The following PHF8 variants were observed in gnomAD, a reference collection of about 807,000 sequenced individuals.
PHF8 encodes PHD finger protein 8.
Under a neutral mutation model 74.4 loss-of-function variants are expected in PHF8, and 9 were observed. The observed-to-expected ratio is 0.12, with a 90% confidence interval of 0.07 to 0.21. The LOEUF (loss-of-function observed/expected upper bound fraction) is 0.21. Among genes scored for constraint, PHF8 ranks in the 10% least tolerant of loss-of-function variants. PHF8 has a pLI of 1.00. For missense variants in PHF8, 478 were observed against 816.6 expected, an observed-to-expected ratio of 0.59 and a Z score of 5.05; for synonymous variants, 311 against 316.6, an observed-to-expected ratio of 0.98 and a Z score of 0.19.
At chrX:54,011,793 T>C (rs1289878264) in intron 7 of PHF8, among the ~76,000 whole-genome samples, 1 of 109,005 alleles carries the variant, frequency 9.2e-6, no homozygotes, top group Non-Finnish European at 1.9e-5. Flanking sequence ...TGTTATGTGA[T>C]TATCTTTTGG....
intron 12 of PHF8, among the ~76,000 whole-genome samples, chrX:53,994,392 G>A (rs1194163740): frequency 8.9e-6 from 1 of 112,572 alleles, no homozygotes; most frequent in Non-Finnish European, 1.9e-5. Context: ...TGAGCTTCTT[G>A]GGAGGAGCCC....
chrX:53,942,861 G>A (rs1317398200), intron 20 of PHF8: 6 of 748,757 alleles, frequency 8.0e-6, no homozygotes, highest in Non-Finnish European at 9.4e-6. Context: ...GTATTGCAGT[G>A]CACTATGGCT....
intron 8 of PHF8, among the ~76,000 whole-genome samples, chrX:54,005,148 G>C (rs782467086): frequency 9.0e-6 from 1 of 110,835 alleles, no homozygotes; most frequent in Non-Finnish European, 1.9e-5. Flanking sequence ...GCAGAAGTTA[G>C]AGCATGAGTC....
chrX:54,022,453 T>G, intron 3 of PHF8, 86 bp from the exon 4 acceptor site: 1 of 634,605 alleles, frequency 1.6e-6, no homozygotes, highest in Non-Finnish European at 2.7e-6. Flanking sequence ...GATCCTTCTC[T>G]TCCAATCTAA....
chrX:54,041,701 A>G (rs1463206517), intron 2 of PHF8, among the ~76,000 whole-genome samples: 1 of 112,850 alleles, frequency 8.9e-6, no homozygotes, highest in African/African-American at 3.2e-5. Flanking sequence ...CCCAGCATCT[A>G]TTCTGCTTAA....
intron 11 of PHF8, among the ~76,000 whole-genome samples, chrX:53,999,207 A>C (rs1557103671): frequency 9.0e-6 from 1 of 111,627 alleles, no homozygotes; most frequent in East Asian, 2.8e-4. Flanking sequence ...GGACAGCAAG[A>C]CCAACCCCTC....
chrX:53,991,681 A>C lies in PHF8; in HGVS notation c.1730+1055T>G, dbSNP rs1040835067. On this transcript the variant is annotated intron_variant, in intron 14 of 21. Transcript: ENST00000338154. ...TGTCTCAAAAAAAAAAAAAAAAAAAAAAAACAAAACTTGGTATGAGAAGTA... is the reference window on the plus strand; with the variant it reads ...TGTCTCAAAAAAAAAAAAAAAAAAACAAAACAAAACTTGGTATGAGAAGTA... 1.9e-4 allele frequency among the ~76,000 whole-genome samples: 20 copies of C among 106,104 alleles called. No individual in the cohort carries two copies. In the South Asian group the frequency reaches 2.1e-3, roughly 11 times the overall value. 92.1% of individuals were successfully genotyped at this position (106,104 alleles called of 115,157 possible).
At chrX:53,993,040 C>T (rs782000316) in intron 13 of PHF8, 1 of 431,584 alleles carries the variant, frequency 2.3e-6, no homozygotes, top group South Asian at 3.3e-5. Context: ...GGACACCTGT[C>T]AATCTTGTGA....
chrX:53,951,351 T>C (rs994269002), intron 19 of PHF8, among the ~76,000 whole-genome samples: 1 of 112,005 alleles, frequency 8.9e-6, no homozygotes, highest in Admixed American at 9.5e-5. Context: ...CTAAAAACTT[T>C]CCAAATTTGA....
intron 18 of PHF8, among the ~76,000 whole-genome samples, chrX:53,967,332 C>T (rs868944448): frequency 6.8e-5 from 7 of 102,610 alleles, no homozygotes; most frequent in Admixed American, 5.1e-4. Flanking sequence ...GTCAGCCCCC[C>T]GCCCGGCCAG....
At position 54,019,320 on chromosome X, in the gene PHF8, G is replaced by C. The variant is rs782266449; in HGVS notation, c.294-1499C>G. On this transcript the variant is annotated intron_variant, in intron 4 of 21. Transcript: ENST00000338154. ...AAAAAATACAAAAAAAAAATTAGCT[G>C]GGCGTGGTGGCACACACCTGTAGTC... is the stretch of plus-strand genomic sequence containing the variant. Among the ~76,000 whole-genome samples the C allele has an allele frequency of 5.5e-5, 6 of 108,755 alleles. No homozygotes were observed. In the South Asian group the frequency reaches 2.4e-3, roughly 44 times the overall value. 94.4% of individuals were successfully genotyped at this position (108,755 alleles called of 115,157 possible).
intron 4 of PHF8, among the ~76,000 whole-genome samples, chrX:54,018,624 C>CT (rs1261065088): frequency 0.034 from 3,470 of 101,978 alleles, 134 homozygotes; most frequent in African/African-American, 0.1. Flanking sequence ...CTATCTCATT[C>CT]TTTTTTTTTT....
chrX:53,983,652 T>C (rs1190894140), intron 18 of PHF8, among the ~76,000 whole-genome samples: 2 of 111,969 alleles, frequency 1.8e-5, no homozygotes, highest in Non-Finnish European at 3.8e-5. Flanking sequence ...AGAAAAATAT[T>C]AACTGGCACA....
intron 19 of PHF8, among the ~76,000 whole-genome samples, chrX:53,959,820 C>T (rs112467540): frequency 0.12 from 11,477 of 93,089 alleles, 836 homozygotes; most frequent in African/African-American, 0.24. Context: ...GCCAAGATTG[C>T]ACCACTGCAC....
At position 53,981,375 on chromosome X, in the gene PHF8, C is replaced by G. The variant is rs964202378; in HGVS notation, c.2443+3539G>C. On this transcript the variant is annotated intron_variant, in intron 18 of 21. Coordinates refer to ENST00000338154, the MANE Select transcript of PHF8 (RefSeq NM_015107.3). ...AGCCTTAGCAACATAAGAAGACATA[C>G]AGACAAAAATTAAAAATCACACAAG... Among the ~76,000 whole-genome samples, 8 of 112,157 alleles carry G rather than the reference C, an allele frequency of 7.1e-5. No individual in the cohort carries two copies. The East Asian group carries it at 2.2e-3, about 31-fold the overall frequency.
At chrX:54,029,690 G>A (rs782639377) in intron 2 of PHF8, among the ~76,000 whole-genome samples, 3 of 111,601 alleles carry the variant, frequency 2.7e-5, no homozygotes, top group Non-Finnish European at 5.7e-5. Context: ...GAACCCAACC[G>A]ACTCTGTCCA....
chrX:54,021,474 T>A (rs926333521), intron 4 of PHF8, among the ~76,000 whole-genome samples: 4 of 81,249 alleles, frequency 4.9e-5, no homozygotes, highest in Non-Finnish European at 7.1e-5. Flanking sequence ...TTTTTTTTTT[T>A]TTTTTTTTTT....
intron 1 of PHF8, among the ~76,000 whole-genome samples, chrX:54,043,524 G>C (rs1256792869): frequency 9.0e-6 from 1 of 111,094 alleles, no homozygotes; most frequent in Non-Finnish European, 1.9e-5. Context: ...AAGATGACAG[G>C]GTTCTGGCTG....
chrX:54,045,946 GT>G (rs1287301512), upstream of PHF8, among the ~76,000 whole-genome samples: 69 of 21,394 alleles, frequency 3.2e-3, no homozygotes, highest in Admixed American at 5.9e-3. Context: ...ATGGTTTAGG[GT>G]TTTTTTTTTT....
Sources: allele counts gnomAD v4.1 joint callset (sites outside exome capture counted in the v4.1 genomes callset), GRCh38; gene constraint gnomAD v4.1.1; transcripts MANE v1.5; gene names NCBI Gene and HGNC (gene_info 2026-07-23, HGNC 2026-07-21).